The following CNBD1 variants were observed in gnomAD, a reference collection of about 807,000 sequenced individuals.
The protein encoded by CNBD1 is cyclic nucleotide binding domain containing 1, also known as cyclic nucleotide-binding domain-containing protein 1.
Under a neutral mutation model 54.4 loss-of-function variants are expected in CNBD1, and 71 were observed. That is an observed-to-expected ratio of 1.30 (90% CI 1.08 to 1.59). CNBD1 has a LOEUF of 1.59. CNBD1 is among the 40% of genes most tolerant of loss of function. The pLI is 0.00. For missense variants in CNBD1, 659 were observed against 518.0 expected, an observed-to-expected ratio of 1.27 and a Z score of -2.64; for synonymous variants, 182 against 170.7, an observed-to-expected ratio of 1.07 and a Z score of -0.51.
chr8:87,120,226 A>G (rs59125812), intron 4 of CNBD1, among the ~76,000 whole-genome samples: 91,584 of 151,636 alleles, frequency 0.6, 28,883 homozygotes, highest in African/African-American at 0.79. Context: ...TTTTTGAGAG[A>G]CTGTTACTGA....
intron 4 of CNBD1, among the ~76,000 whole-genome samples, chr8:87,084,110 T>G (rs1489459137): frequency 2.0e-5 from 3 of 152,238 alleles, no homozygotes; most frequent in Non-Finnish European, 4.4e-5. Flanking sequence ...CAACAGTATA[T>G]TTCCACTTAT....
At chr8:87,173,852 A>G (rs1440202343) in intron 4 of CNBD1, among the ~76,000 whole-genome samples, 2 of 151,726 alleles carry the variant, frequency 1.3e-5, no homozygotes, top group Non-Finnish European at 2.9e-5. Flanking sequence ...GCTTTCTATC[A>G]TTATCTCTTT....
chr8:87,095,047 A>C (rs11985830), intron 4 of CNBD1, among the ~76,000 whole-genome samples: 6,602 of 152,310 alleles, frequency 0.043, 469 homozygotes, highest in African/African-American at 0.15. Flanking sequence ...CTCAAAAAAA[A>C]CAAAGTAATA....
chr8:87,059,788 A>G (rs917713527), intron 4 of CNBD1, among the ~76,000 whole-genome samples: 1 of 152,200 alleles, frequency 6.6e-6, no homozygotes. Flanking sequence ...CAGCCAGACC[A>G]TATCAGGCCA....
intron 2 of CNBD1, among the ~76,000 whole-genome samples, chr8:87,411,217 C>T (rs1807736000): frequency 6.6e-6 from 1 of 151,412 alleles, no homozygotes; most frequent in African/African-American, 2.4e-5. Context: ...AGGTCAGAGG[C>T]TGTGTTTTAT....
At chr8:87,189,662 T>A (rs1349620370) in intron 4 of CNBD1, among the ~76,000 whole-genome samples, 4 of 152,172 alleles carry the variant, frequency 2.6e-5, no homozygotes, top group Non-Finnish European at 5.9e-5. Flanking sequence ...CAATGGTGTA[T>A]AGGAATAGCA....
chr8:86,903,487 A>T (rs1462020270), intron 2 of CNBD1, among the ~76,000 whole-genome samples: 1 of 152,104 alleles, frequency 6.6e-6, no homozygotes, highest in Non-Finnish European at 1.5e-5. Flanking sequence ...TAGTTAATAC[A>T]GTTATGTAAG....
At chr8:87,086,355 C>T (rs1425975364) in intron 4 of CNBD1, among the ~76,000 whole-genome samples, 1 of 152,120 alleles carries the variant, frequency 6.6e-6, no homozygotes, top group Non-Finnish European at 1.5e-5. Context: ...GCTGAGTAAC[C>T]CCAGCCCTCT....
chr8:87,038,129 A>G (rs1293636045), intron 4 of CNBD1, among the ~76,000 whole-genome samples: 1 of 152,168 alleles, frequency 6.6e-6, no homozygotes, highest in Non-Finnish European at 1.5e-5. Flanking sequence ...AGCCTCCACA[A>G]ATTGTAAATA....
intron 4 of CNBD1, among the ~76,000 whole-genome samples, chr8:87,091,848 G>A (rs754712492): frequency 5.9e-5 from 9 of 151,876 alleles, no homozygotes; most frequent in African/African-American, 1.9e-4. Flanking sequence ...ACACACACAC[G>A]TTCAGCAATT....
At chr8:87,361,204 A>G (rs1057036191) in intron 10 of CNBD1, among the ~76,000 whole-genome samples, 5 of 152,008 alleles carry the variant, frequency 3.3e-5, no homozygotes, top group Admixed American at 6.6e-5. Context: ...GCTTAAAAGC[A>G]TCTTCTCCTC....
intron 8 of CNBD1, among the ~76,000 whole-genome samples, chr8:87,286,915 T>G (rs112460479): frequency 0.019 from 2,868 of 152,202 alleles, 85 homozygotes; most frequent in African/African-American, 0.063. Context: ...CTACTCCCTT[T>G]AACTGTTCCG....
At chr8:87,346,139 T>A (rs1768455842) in intron 8 of CNBD1, among the ~76,000 whole-genome samples, 1 of 152,102 alleles carries the variant, frequency 6.6e-6, no homozygotes, top group South Asian at 2.1e-4. Flanking sequence ...CCTCCCTGAT[T>A]TAAGTGATTC....
At chr8:87,063,610 G>A (rs961217511) in intron 4 of CNBD1, among the ~76,000 whole-genome samples, 3 of 151,888 alleles carry the variant, frequency 2.0e-5, no homozygotes, top group Non-Finnish European at 4.4e-5. Context: ...CTGGACCCTC[G>A]AATCACTATA....
At chr8:87,428,543 T>C (rs1038276160) in intron 2 of CNBD1, 4 of 443,752 alleles carry the variant, frequency 9.0e-6, no homozygotes, top group African/African-American at 8.1e-5. Context: ...TGTTTTCATC[T>C]AGAATTAGAC....
At chr8:86,984,100 GC>G (rs1808550153) in intron 4 of CNBD1, among the ~76,000 whole-genome samples, 2 of 152,118 alleles carry the variant, frequency 1.3e-5, no homozygotes, top group Non-Finnish European at 2.9e-5. Context: ...TAGGGACTTG[GC>G]ACCCTGCATC....
chr8:86,884,151 C>CAAAAA (rs1435777479), intron 1 of CNBD1, among the ~76,000 whole-genome samples: 2 of 136,764 alleles, frequency 1.5e-5, no homozygotes, highest in Non-Finnish European at 3.1e-5. Flanking sequence ...GACTCCGTCT[C>CAAAAA]AAAACAAAAC....
chr8:87,234,586 G>A lies in CNBD1; in HGVS notation c.578-2333G>A, dbSNP rs575606795. ...TCTGAGTAGTTGATCTCAACAGTGG[G>A]CTTCAAATATTCATTATAGAATGCT... On this transcript the variant is annotated intron_variant, in intron 5 of 10. Transcript: ENST00000518476. Among the ~76,000 whole-genome samples the A allele has an allele frequency of 3.3e-5, 5 of 152,216 alleles. No homozygotes were observed. The East Asian group carries it at 5.8e-4, about 18-fold the overall frequency.
intron 10 of CNBD1, among the ~76,000 whole-genome samples, chr8:87,365,429 A>T (rs2130941444): frequency 6.6e-6 from 1 of 152,064 alleles, no homozygotes; most frequent in East Asian, 1.9e-4. Flanking sequence ...AGACCATTTT[A>T]ACTTGTAGAT....
Sources: gnomAD v4.1 joint callset for allele counts (sites outside exome capture counted in the v4.1 genomes callset) on GRCh38, gnomAD v4.1.1 for gene constraint, MANE v1.5 for transcripts, NCBI Gene and HGNC (gene_info 2026-07-23, HGNC 2026-07-21) for gene names.